The following ADGRE1 variants were observed in gnomAD, a reference collection of about 807,000 sequenced individuals.
ADGRE1 encodes adhesion G protein-coupled receptor E1, also known as EGF-like module receptor 1.
In ADGRE1, 82 loss-of-function variants were observed where a neutral mutation model predicts 102.7. The observed-to-expected ratio is 0.80, with a 90% CI of 0.67 to 0.96. ADGRE1 has a LOEUF of 0.96. Among genes scored for constraint, ADGRE1 ranks in the 40% least tolerant of loss-of-function variants. The pLI is 0.00. For synonymous variants in ADGRE1, 398 were observed against 399.6 expected (o/e 1.00, Z 0.05); for missense variants, 1,032 against 1,085.3 (o/e 0.95, Z 0.69).
intron 6 of ADGRE1, among the ~76,000 whole-genome samples, chr19:6,902,838 G>A (rs1180832364): frequency 6.6e-6 from 1 of 152,228 alleles, no homozygotes; most frequent in Non-Finnish European, 1.5e-5. Context: ...CCAGGTTCAA[G>A]CAATTCTTTT....
intron 2 of ADGRE1, among the ~76,000 whole-genome samples, chr19:6,892,601 A>G (rs1165433344): frequency 6.6e-6 from 1 of 152,112 alleles, no homozygotes; most frequent in Non-Finnish European, 1.5e-5. Flanking sequence ...CTCATGTTAA[A>G]ACCTTATGTT....
chr19:6,911,593 A>G (rs1489886331), intron 10 of ADGRE1, among the ~76,000 whole-genome samples: 2 of 150,498 alleles, frequency 1.3e-5, no homozygotes, highest in Non-Finnish European at 3.0e-5. Context: ...AAGCATGTAC[A>G]CACATACACA....
intron 18 of ADGRE1, among the ~76,000 whole-genome samples, chr19:6,935,504 G>A (rs1296104877): frequency 1.3e-5 from 2 of 151,858 alleles, no homozygotes; most frequent in East Asian, 1.9e-4. Flanking sequence ...TTTTTCTCTC[G>A]AGAATGTCCT....
intron 9 of ADGRE1, among the ~76,000 whole-genome samples, chr19:6,907,767 T>C (rs1232737493): frequency 1.3e-5 from 2 of 152,248 alleles, no homozygotes; most frequent in Admixed American, 1.3e-4. Flanking sequence ...AGAAATGGAA[T>C]CATGCAATGT....
chr19:6,922,961 A>C (rs3890541), intron 14 of ADGRE1, among the ~76,000 whole-genome samples: 83,159 of 151,392 alleles, frequency 0.55, 25,550 homozygotes, highest in African/African-American at 0.83. Context: ...CCTGCAGTCC[A>C]AGCTACTCGG....
At chr19:6,896,574 T>G in intron 3 of ADGRE1, 33 bp downstream of exon 3, 1 of 1,603,266 alleles carries the variant, frequency 6.2e-7, no homozygotes, top group Non-Finnish European at 8.5e-7. Context: ...CATCCAGCAT[T>G]TGGTAGGAAA....
At chr19:6,911,233 A>C (rs949413988) in intron 10 of ADGRE1, among the ~76,000 whole-genome samples, 4 of 152,062 alleles carry the variant, frequency 2.6e-5, no homozygotes, top group Non-Finnish European at 4.4e-5. Flanking sequence ...CCCCGTGTTT[A>C]TTGAAATCCT....
intron 10 of ADGRE1, among the ~76,000 whole-genome samples, chr19:6,912,294 T>A (rs1239697475): frequency 6.6e-6 from 1 of 151,866 alleles, no homozygotes; most frequent in African/African-American, 2.4e-5. Context: ...CTATGAGAGG[T>A]TTAGGACAGT....
chr19:6,890,451 TC>T, intron 1 of ADGRE1, 29 bp from the exon 2 acceptor site: 3 of 1,274,170 alleles, frequency 2.4e-6, no homozygotes, highest in South Asian at 1.5e-5. Flanking sequence ...TTTTGGTGGT[TC>T]ATGGTGTTTT....
rs1229559700 is a variant in ADGRE1 at position 6,907,194 on chromosome 19, G to A, written c.1038+673G>A. Among the ~76,000 whole-genome samples, 6 of 152,124 alleles carry A rather than the reference G, an allele frequency of 3.9e-5. No homozygotes were observed. In the East Asian group the frequency reaches 7.7e-4, roughly 20 times the overall value. On this transcript the variant is annotated intron_variant, in intron 9 of 20. Coordinates refer to ENST00000312053, the MANE Select transcript of ADGRE1 (RefSeq NM_001974.5). Reference sequence around the variant, plus strand: ...TAAATTGGCTATGGGCTTCCCACATGCCTTGGACCACTGTTTTTCTTTTTT... The same window carrying A: ...TAAATTGGCTATGGGCTTCCCACATACCTTGGACCACTGTTTTTCTTTTTT...
Position 6,940,059 on chromosome 19 carries a change from G to A in ADGRE1, c.*30G>A. The A allele has an allele frequency of 1.2e-6, 2 of 1,612,660 alleles. No homozygotes were observed. Among genetic ancestry groups the A allele is most frequent in the Middle Eastern group, 1.6e-4 (1 of 6,062 alleles). On this transcript the variant is annotated 3_prime_UTR_variant, in exon 21 of 21. Transcript: ENST00000312053. ...CTTTCTTGCTTTCAAATATGCTATGGAGCCACAGTTGAGGACAGTAGTTTC... is the reference window on the plus strand; with the variant it reads ...CTTTCTTGCTTTCAAATATGCTATGAAGCCACAGTTGAGGACAGTAGTTTC...
intron 2 of ADGRE1, among the ~76,000 whole-genome samples, chr19:6,893,558 C>T (rs982133021): frequency 2.0e-5 from 3 of 152,200 alleles, no homozygotes; most frequent in East Asian, 1.9e-4. Flanking sequence ...ACGACATCTT[C>T]CTCACCCATT....
At chr19:6,931,873 T>G (rs908474308) in intron 17 of ADGRE1, among the ~76,000 whole-genome samples, 6 of 152,018 alleles carry the variant, frequency 3.9e-5, no homozygotes, top group African/African-American at 1.4e-4. Context: ...TCATCTTAAC[T>G]TGATTATTTC....
At chr19:6,918,736 C>CTGTTT (rs1429896868) in intron 12 of ADGRE1, among the ~76,000 whole-genome samples, 6 of 152,198 alleles carry the variant, frequency 3.9e-5, no homozygotes, top group African/African-American at 9.6e-5. Flanking sequence ...ACTGGGAGGT[C>CTGTTT]TGTTTTGTTT....
chr19:6,920,056 C>G (rs1395159886), intron 13 of ADGRE1, among the ~76,000 whole-genome samples: 1 of 152,152 alleles, frequency 6.6e-6, no homozygotes, highest in Non-Finnish European at 1.5e-5. Flanking sequence ...TCAAATCTGT[C>G]TTCCCAAGCT....
At chr19:6,932,678 G>A (rs919990642) in intron 17 of ADGRE1, among the ~76,000 whole-genome samples, 45 of 152,098 alleles carry the variant, frequency 3.0e-4, no homozygotes, top group South Asian at 4.2e-4. Flanking sequence ...TGACACCTCA[G>A]ATCCTTCACT....
intron 14 of ADGRE1, among the ~76,000 whole-genome samples, chr19:6,922,167 C>G (rs1391474982): frequency 6.6e-6 from 1 of 152,112 alleles, no homozygotes; most frequent in Non-Finnish European, 1.5e-5. Context: ...GTGTGCTGGG[C>G]TCTTTAAGTT....
chr19:6,909,295 G>A (rs1718556426), intron 10 of ADGRE1, among the ~76,000 whole-genome samples: 1 of 152,076 alleles, frequency 6.6e-6, no homozygotes. Flanking sequence ...TAGACTTGTT[G>A]AACTACCACT....
At chr19:6,903,527 C>T (rs79190062) in intron 6 of ADGRE1, among the ~76,000 whole-genome samples, 7,112 of 152,200 alleles carry the variant, frequency 0.047, 195 homozygotes, top group African/African-American at 0.069. Flanking sequence ...TCCTTAGAGC[C>T]TTGGTGTTCC....
Sources: allele counts gnomAD v4.1 joint callset (sites outside exome capture counted in the v4.1 genomes callset), GRCh38; gene constraint gnomAD v4.1.1; transcripts MANE v1.5; gene names NCBI Gene and HGNC (gene_info 2026-07-23, HGNC 2026-07-21).